Variants in EHBP1 observed in about 807,000 individuals in gnomAD.
EHBP1 encodes the protein EH domain-binding protein 1.
A neutral mutation model predicts 144.0 loss-of-function variants in EHBP1; 55 were observed. The observed-to-expected ratio is 0.38, with a 90% CI of 0.31 to 0.48. EHBP1 has a LOEUF of 0.48. Among genes scored for constraint, EHBP1 ranks in the 20% least tolerant of loss-of-function variants. The pLI is 0.98. For missense variants in EHBP1, 1,200 were observed against 1,364.2 expected, an observed-to-expected ratio of 0.88 and a Z score of 1.90; for synonymous variants, 469 against 472.7, an observed-to-expected ratio of 0.99 and a Z score of 0.10.
intron 19 of EHBP1, among the ~76,000 whole-genome samples, chr2:63,034,514 C>G (rs562976786): frequency 6.6e-6 from 1 of 152,086 alleles, no homozygotes; most frequent in Non-Finnish European, 1.5e-5. Flanking sequence ...AAAATAATGA[C>G]AGTCTTCATT....
At chr2:62,859,966 A>G (rs774291351) in intron 8 of EHBP1, among the ~76,000 whole-genome samples, 1 of 152,168 alleles carries the variant, frequency 6.6e-6, no homozygotes, top group Non-Finnish European at 1.5e-5. Flanking sequence ...TGTCTGAGAA[A>G]TCTTCATGAA....
chr2:62,963,838 A>G (rs2058113360), intron 14 of EHBP1, among the ~76,000 whole-genome samples: 1 of 152,208 alleles, frequency 6.6e-6, no homozygotes, highest in East Asian at 1.9e-4. Flanking sequence ...TGCCCAGGGC[A>G]CTGAAATGAA....
chr2:62,820,380 A>G (rs1488669302), intron 5 of EHBP1, among the ~76,000 whole-genome samples: 1 of 152,002 alleles, frequency 6.6e-6, no homozygotes, highest in Non-Finnish European at 1.5e-5. Flanking sequence ...AACAAAATTT[A>G]TCATTTCAGA....
intron 14 of EHBP1, among the ~76,000 whole-genome samples, chr2:62,972,495 G>A (rs988452926): frequency 3.3e-5 from 5 of 152,136 alleles, no homozygotes; most frequent in African/African-American, 9.7e-5. Flanking sequence ...TGAACCTGGA[G>A]ACTAATAAAC....
intron 10 of EHBP1, among the ~76,000 whole-genome samples, chr2:62,893,275 C>G (rs139502567): frequency 8.1e-4 from 123 of 152,212 alleles, no homozygotes; most frequent in African/African-American, 2.8e-3. Flanking sequence ...TATCATATAT[C>G]ATTAGTAACC....
chr2:63,045,774 G>T lies in EHBP1; in HGVS notation c.*274G>T. 3.2e-6 allele frequency: 1 copy of T among 312,782 alleles called. No individual in the cohort carries two copies. Among genetic ancestry groups the T allele is most frequent in the Non-Finnish European group, 6.0e-6 (1 of 167,672 alleles). The allele number at this position is 312,782 out of a possible 1,614,324, so 19.4% of individuals were successfully genotyped here. On this transcript the variant is annotated 3_prime_UTR_variant, in exon 23 of 23. Transcript: ENST00000431489. The surrounding 1 kb of genome is among the most constrained non-coding windows in gnomAD (Gnocchi z 5.7). Reference sequence around the variant, plus strand: ...TGCACAGACACCTTGTGAGTGATTGGTATTGGAGGTGTTCAAGAAACTGTT... The same window carrying T: ...TGCACAGACACCTTGTGAGTGATTGTTATTGGAGGTGTTCAAGAAACTGTT...
chr2:62,942,271 T>C (rs553275151), intron 10 of EHBP1, among the ~76,000 whole-genome samples: 6 of 152,196 alleles, frequency 3.9e-5, no homozygotes, highest in African/African-American at 9.6e-5. Context: ...AAACTAATGA[T>C]AATTTTAATC....
intron 5 of EHBP1, among the ~76,000 whole-genome samples, chr2:62,802,789 A>G (rs1382369587): frequency 1.4e-5 from 2 of 148,084 alleles, no homozygotes; most frequent in African/African-American, 5.0e-5. Context: ...CAGTGGTGCA[A>G]TCTCGGCTCA....
At chr2:62,985,299 A>G (rs145049516) in intron 15 of EHBP1, among the ~76,000 whole-genome samples, 4 of 152,298 alleles carry the variant, frequency 2.6e-5, no homozygotes, top group African/African-American at 9.6e-5. Flanking sequence ...TTCACATAAG[A>G]AGGCATATGA....
intron 7 of EHBP1, among the ~76,000 whole-genome samples, chr2:62,839,358 A>T (rs1301174186): frequency 7.2e-6 from 1 of 138,106 alleles, no homozygotes; most frequent in African/African-American, 2.7e-5. Context: ...AATAAGAGCT[A>T]TCTATGACAA....
intron 19 of EHBP1, among the ~76,000 whole-genome samples, chr2:63,025,213 C>T (rs1233801740): frequency 2.0e-5 from 3 of 152,098 alleles, no homozygotes; most frequent in African/African-American, 7.2e-5. Context: ...GATTTGATGG[C>T]GACAAGTATG....
chr2:62,820,980 ATTC>A lies in EHBP1; in HGVS notation c.313-5104_313-5102del, dbSNP rs2045941303. Among the ~76,000 whole-genome samples the A allele has an allele frequency of 2.0e-5, 3 of 151,348 alleles. No individual in the cohort carries two copies. The South Asian group carries it at 6.3e-4, about 32-fold the overall frequency. ...GTGAGTATAGGATATTCATTTTATTATTCTTAAGTTTTATGCTTTATTATGTAT... is the reference window on the plus strand; with the variant it reads ...GTGAGTATAGGATATTCATTTTATTATTAAGTTTTATGCTTTATTATGTAT... On this transcript the variant is annotated intron_variant, in intron 5 of 22. Coordinates refer to ENST00000431489, the MANE Select transcript of EHBP1 (RefSeq NM_001142616.3).
chr2:62,920,939 G>T (rs1396955348), intron 10 of EHBP1, among the ~76,000 whole-genome samples: 1 of 152,060 alleles, frequency 6.6e-6, no homozygotes, highest in African/African-American at 2.4e-5. Flanking sequence ...ACAGTTCTTA[G>T]ATTACAGGCA....
intron 6 of EHBP1, among the ~76,000 whole-genome samples, chr2:62,830,191 CACACATATAT>C (rs1558748173): frequency 9.4e-6 from 1 of 106,182 alleles, no homozygotes; most frequent in African/African-American, 3.3e-5. Context: ...CACACACACA[CACACATATAT>C]ATACACATAT....
intron 13 of EHBP1, 87 bp downstream of exon 13, chr2:62,949,249 T>C (rs2057251001): frequency 8.7e-7 from 1 of 1,153,988 alleles, no homozygotes; most frequent in Non-Finnish European, 1.2e-6. Flanking sequence ...ATGCTACAAA[T>C]GATTAAAGGT....
intron 1 of EHBP1, among the ~76,000 whole-genome samples, chr2:62,681,035 G>C (rs1010531712): frequency 6.6e-6 from 1 of 151,820 alleles, no homozygotes; most frequent in Non-Finnish European, 1.5e-5. Context: ...AAAAATGGCC[G>C]GGCGTGATGG....
intron 15 of EHBP1, among the ~76,000 whole-genome samples, chr2:62,980,698 G>GC (rs2058924913): frequency 6.6e-6 from 1 of 151,708 alleles, no homozygotes; most frequent in South Asian, 2.1e-4. Flanking sequence ...AACCCATCTT[G>GC]CCAGGTACAG....
chr2:62,917,187 T>C (rs1245223892), intron 10 of EHBP1, among the ~76,000 whole-genome samples: 1 of 152,154 alleles, frequency 6.6e-6, no homozygotes, highest in Non-Finnish European at 1.5e-5. Flanking sequence ...TGTAACACAA[T>C]AGTATTTGTG....
intron 7 of EHBP1, among the ~76,000 whole-genome samples, chr2:62,835,108 G>T (rs909224409): frequency 6.6e-6 from 1 of 151,836 alleles, no homozygotes. Context: ...GTAAACAATG[G>T]TTTTTTTAGA....
Sources: allele counts gnomAD v4.1 joint callset (sites outside exome capture counted in the v4.1 genomes callset), GRCh38; gene constraint gnomAD v4.1.1; non-coding constraint Gnocchi (gnomAD v3.1); transcripts MANE v1.5; gene names NCBI Gene and HGNC (gene_info 2026-07-23, HGNC 2026-07-21).